Variants in LGSN observed in about 807,000 individuals in gnomAD.
The protein encoded by LGSN is lengsin, lens protein with glutamine synthetase domain, also known as lengsin.
In LGSN, 21 loss-of-function variants were observed where a neutral mutation model predicts 19.5. That is an observed-to-expected ratio of 1.07 (90% CI 0.76 to 1.55). LGSN has a LOEUF of 1.55. Ranked by LOEUF, LGSN falls within the 40% of genes most tolerant of loss-of-function variation. LGSN has a pLI of 0.00. For missense variants in LGSN, 673 were observed against 608.5 expected, an observed-to-expected ratio of 1.11 and a Z score of -1.12; for synonymous variants, 257 against 215.6, an observed-to-expected ratio of 1.19 and a Z score of -1.68.
chr6:63,541,570 A>G, the LGSN span, among the ~76,000 whole-genome samples: 1 of 152,158 alleles, frequency 6.6e-6, no homozygotes, highest in Non-Finnish European at 1.5e-5. Flanking sequence ...TCTGAAAGGA[A>G]TCTAGCACTA....
At chr6:63,327,538 C>T in the LGSN span, among the ~76,000 whole-genome samples, 5 of 152,050 alleles carry the variant, frequency 3.3e-5, no homozygotes, top group African/African-American at 7.2e-5. Context: ...GTCTAGGCCT[C>T]GGCAGTATTG....
the LGSN span, among the ~76,000 whole-genome samples, chr6:63,518,986 G>A: frequency 6.6e-6 from 1 of 152,164 alleles, no homozygotes; most frequent in Non-Finnish European, 1.5e-5. Flanking sequence ...TATCACTGTA[G>A]TAAAGCATGT....
chr6:63,311,684 C>T (rs529733384), intron 1 of LGSN, among the ~76,000 whole-genome samples: 17 of 152,294 alleles, frequency 1.1e-4, no homozygotes, highest in Admixed American at 1.1e-3. Context: ...CCTGTTCAGA[C>T]ATGTCATAAC....
chr6:63,349,582 A>G, the LGSN span, among the ~76,000 whole-genome samples: 5 of 152,308 alleles, frequency 3.3e-5, no homozygotes, highest in African/African-American at 1.2e-4. Context: ...GGAGAGATTC[A>G]AACTATGATT....
chr6:63,498,361 A>G, the LGSN span, among the ~76,000 whole-genome samples: 1 of 152,138 alleles, frequency 6.6e-6, no homozygotes, highest in Middle Eastern at 3.4e-3. Context: ...AGTTTTAAAA[A>G]AACCTGGTCA....
chr6:63,520,113 A>C, the LGSN span, among the ~76,000 whole-genome samples: 1 of 152,204 alleles, frequency 6.6e-6, no homozygotes, highest in South Asian at 2.1e-4. Context: ...TAACCACTGG[A>C]TCTCTTGCAT....
At chr6:63,315,602 T>TTCTCTCTC (rs539021063) in intron 1 of LGSN, among the ~76,000 whole-genome samples, 37 of 129,394 alleles carry the variant, frequency 2.9e-4, no homozygotes, top group African/African-American at 1.0e-3. Context: ...AGCTAAAATG[T>TTCTCTCTC]TCTCTCTCTC....
At chr6:63,529,926 G>A in the LGSN span, among the ~76,000 whole-genome samples, 1 of 152,090 alleles carries the variant, frequency 6.6e-6, no homozygotes, top group African/African-American at 2.4e-5. Context: ...TAAAGAAATA[G>A]GATATTTTGC....
the LGSN span, among the ~76,000 whole-genome samples, chr6:63,431,503 G>C: frequency 1.3e-5 from 2 of 152,184 alleles, no homozygotes; most frequent in South Asian, 2.1e-4. Context: ...GAGTTTTGAA[G>C]TCATATAAAT....
At chr6:63,565,939 C>T in the LGSN span, among the ~76,000 whole-genome samples, 1 of 152,190 alleles carries the variant, frequency 6.6e-6, no homozygotes, top group Admixed American at 6.5e-5. Flanking sequence ...GAGATTTAAG[C>T]ATAGGCATAC....
chr6:63,521,106 A>C, the LGSN span, among the ~76,000 whole-genome samples: 170 of 152,204 alleles, frequency 1.1e-3, no homozygotes, highest in Non-Finnish European at 1.8e-3. Context: ...AAGGGGAGGG[A>C]GAGCATGCGG....
chr6:63,309,754 A>T (rs1010640528), intron 1 of LGSN, among the ~76,000 whole-genome samples: 4 of 152,198 alleles, frequency 2.6e-5, no homozygotes, highest in African/African-American at 9.7e-5. Flanking sequence ...TCAAGAAGGT[A>T]TATTATTAGC....
the LGSN span, among the ~76,000 whole-genome samples, chr6:63,417,659 T>A: frequency 6.6e-6 from 1 of 152,184 alleles, no homozygotes. Context: ...CCAAGATTGC[T>A]TTAAAATAAA....
At chr6:63,551,066 T>C in the LGSN span, among the ~76,000 whole-genome samples, 7 of 152,076 alleles carry the variant, frequency 4.6e-5, no homozygotes, top group Non-Finnish European at 1.0e-4. Flanking sequence ...GTGGGTAATT[T>C]GTTGTTGCTG....
At chr6:63,439,816 G>T in the LGSN span, among the ~76,000 whole-genome samples, 2 of 152,074 alleles carry the variant, frequency 1.3e-5, no homozygotes, top group East Asian at 1.9e-4. Context: ...CTTCTTTAAG[G>T]TCCAATTCAG....
chr6:63,457,986 G>A, the LGSN span, among the ~76,000 whole-genome samples: 12 of 152,030 alleles, frequency 7.9e-5, no homozygotes, highest in African/African-American at 2.7e-4. Context: ...TTTATTTAAT[G>A]TCATAGTAGC....
At chr6:63,340,826 G>T in the LGSN span, among the ~76,000 whole-genome samples, 1 of 148,958 alleles carries the variant, frequency 6.7e-6, no homozygotes, top group East Asian at 2.0e-4. Flanking sequence ...ATATTCCCTT[G>T]CTTTTTATGG....
At chr6:63,451,422 G>C in the LGSN span, among the ~76,000 whole-genome samples, 1 of 152,192 alleles carries the variant, frequency 6.6e-6, no homozygotes, top group South Asian at 2.1e-4. Context: ...ATAAAAGAAT[G>C]AGATCATGTC....
At chr6:63,476,544 C>T in the LGSN span, among the ~76,000 whole-genome samples, 1 of 152,212 alleles carries the variant, frequency 6.6e-6, no homozygotes, top group African/African-American at 2.4e-5. Context: ...AGATACAAGG[C>T]AGTCGGTGCT....
Sources: gnomAD v4.1 joint callset for allele counts (sites outside exome capture counted in the v4.1 genomes callset) on GRCh38, gnomAD v4.1.1 for gene constraint, MANE v1.5 for transcripts, NCBI Gene and HGNC (gene_info 2026-07-23, HGNC 2026-07-21) for gene names.